The following TBC1D5 variants were observed in gnomAD, a reference collection of about 807,000 sequenced individuals.
The protein encoded by TBC1D5 is TBC1 domain family member 5.
In TBC1D5, 75 loss-of-function variants were observed where a neutral mutation model predicts 100.3. The observed-to-expected ratio is 0.75, with a 90% CI of 0.62 to 0.91. The LOEUF (loss-of-function observed/expected upper bound fraction) is 0.91, where lower values mean the gene tolerates loss of function less well. Ranked by LOEUF, TBC1D5 falls within the 40% of genes least tolerant of loss-of-function variation. TBC1D5 has a pLI of 0.00. For missense variants in TBC1D5, 910 were observed against 942.4 expected (o/e 0.97, Z 0.45); for synonymous variants, 323 against 325.6 (o/e 0.99, Z 0.09).
chr3:17,337,671 T>C (rs760218790), intron 13 of TBC1D5: 1 of 152,138 alleles, frequency 6.6e-6, no homozygotes, highest in Non-Finnish European at 1.5e-5. Context: ...GAAGTTTAAA[T>C]AAAGAACACA....
intron 13 of TBC1D5, among the ~76,000 whole-genome samples, chr3:17,356,605 T>G (rs1037528318): frequency 3.9e-5 from 6 of 152,194 alleles, no homozygotes; most frequent in African/African-American, 1.4e-4. Flanking sequence ...CTGAAGAAAT[T>G]TTTAAAAGAT....
At position 17,308,038 on chromosome 3, in the gene TBC1D5, T is replaced by TA; in HGVS notation, c.1091dup (p.Leu364PhefsTer20). 1 of 1,610,640 alleles carries TA rather than the reference T, an allele frequency of 6.2e-7. No homozygotes were observed. The highest frequency in any genetic ancestry group is 8.5e-7 in the Non-Finnish European group (1 of 1,179,184). On this transcript the variant is annotated frameshift_variant, in exon 14 of 22. Transcript: ENST00000253692. LOFTEE classifies it high-confidence loss of function. ...ACATGGCTACGAAGATATAATCTAC[T>TA]AAACCCAGGCTGAGGCCGTCTGCAA...
intron 2 of TBC1D5, among the ~76,000 whole-genome samples, chr3:17,543,238 C>T (rs1385665261): frequency 1.3e-5 from 2 of 152,132 alleles, no homozygotes; most frequent in African/African-American, 2.4e-5. Context: ...AGAGACACAA[C>T]AGGGATTAAT....
intron 2 of TBC1D5, among the ~76,000 whole-genome samples, chr3:17,582,370 T>C (rs73028303): frequency 0.018 from 2,762 of 152,248 alleles, 41 homozygotes; most frequent in Non-Finnish European, 0.029. Context: ...CAATCAACTG[T>C]GAAAATAAAA....
At chr3:17,355,365 T>C (rs1013361571) in intron 13 of TBC1D5, among the ~76,000 whole-genome samples, 1 of 152,150 alleles carries the variant, frequency 6.6e-6, no homozygotes, top group South Asian at 2.1e-4. Flanking sequence ...CAGGAGGCTG[T>C]GGCCAATTAA....
At chr3:17,379,909 C>T (rs754124144) in intron 9 of TBC1D5, among the ~76,000 whole-genome samples, 1 of 151,490 alleles carries the variant, frequency 6.6e-6, no homozygotes, top group Non-Finnish European at 1.5e-5. Context: ...TCTTATTGTA[C>T]CATACTCAAC....
chr3:17,419,212 G>C (rs2094152090), intron 4 of TBC1D5, among the ~76,000 whole-genome samples: 1 of 152,208 alleles, frequency 6.6e-6, no homozygotes, highest in African/African-American at 2.4e-5. Context: ...ATAAGTACAA[G>C]GATAGCTAGC....
intron 15 of TBC1D5, among the ~76,000 whole-genome samples, chr3:17,268,899 T>C (rs2079091473): frequency 6.6e-6 from 1 of 152,154 alleles, no homozygotes; most frequent in African/African-American, 2.4e-5. Flanking sequence ...GATACTACTA[T>C]ACTAGTTTCT....
At chr3:17,472,995 A>C (rs2095397135) in intron 3 of TBC1D5, among the ~76,000 whole-genome samples, 1 of 152,240 alleles carries the variant, frequency 6.6e-6, no homozygotes, top group Non-Finnish European at 1.5e-5. Flanking sequence ...CAATGAAGAG[A>C]AAATATATCA....
At chr3:17,247,472 G>A (rs1423861506) in intron 16 of TBC1D5, among the ~76,000 whole-genome samples, 1 of 152,190 alleles carries the variant, frequency 6.6e-6, no homozygotes, top group African/African-American at 2.4e-5. Flanking sequence ...GCCAAAAGAT[G>A]CTAATGATCA....
intron 1 of TBC1D5, among the ~76,000 whole-genome samples, chr3:17,712,276 G>T (rs1310010027): frequency 6.6e-6 from 1 of 151,894 alleles, no homozygotes. Flanking sequence ...AGAAATAATG[G>T]TCTCCCACAG....
At chr3:17,455,667 A>G (rs1442414976) in intron 3 of TBC1D5, among the ~76,000 whole-genome samples, 2 of 151,816 alleles carry the variant, frequency 1.3e-5, no homozygotes, top group African/African-American at 2.4e-5. Flanking sequence ...AAGAAACCCC[A>G]TGTCTATAAA....
chr3:17,546,975 T>A (rs2096422951), intron 2 of TBC1D5: 1 of 152,224 alleles, frequency 6.6e-6, no homozygotes, highest in Non-Finnish European at 1.5e-5. Context: ...ACATCTCTTA[T>A]TAGTCCTACA....
At chr3:17,708,285 G>T (rs4431138) in intron 1 of TBC1D5, among the ~76,000 whole-genome samples, 2 of 151,878 alleles carry the variant, frequency 1.3e-5, no homozygotes. Flanking sequence ...TGTATCTATC[G>T]ATCTACTTTG....
At chr3:17,494,504 C>T (rs1413461645) in intron 3 of TBC1D5, among the ~76,000 whole-genome samples, 2 of 152,232 alleles carry the variant, frequency 1.3e-5, no homozygotes, top group Non-Finnish European at 2.9e-5. Context: ...TCAGAGCCAG[C>T]AGGCAGGAAA....
intron 2 of TBC1D5, among the ~76,000 whole-genome samples, chr3:17,611,081 G>T (rs2061640981): frequency 6.6e-6 from 1 of 152,100 alleles, no homozygotes; most frequent in African/African-American, 2.4e-5. Context: ...ACTTGATAAT[G>T]AAGTGAATAA....
chr3:17,579,441 A>G (rs2096678691), intron 2 of TBC1D5, among the ~76,000 whole-genome samples: 1 of 152,102 alleles, frequency 6.6e-6, no homozygotes, highest in African/African-American at 2.4e-5. Context: ...CAGGTGTACT[A>G]AGTGCCACAA....
chr3:17,619,328 T>C (rs937396996), intron 2 of TBC1D5, among the ~76,000 whole-genome samples: 11 of 152,094 alleles, frequency 7.2e-5, no homozygotes, highest in African/African-American at 2.7e-4. Flanking sequence ...TAAATAGATA[T>C]GAGGGGACTA....
intron 2 of TBC1D5, among the ~76,000 whole-genome samples, chr3:17,563,663 G>T (rs1436828328): frequency 6.6e-6 from 1 of 152,146 alleles, no homozygotes; most frequent in Non-Finnish European, 1.5e-5. Context: ...GGAAATGAGA[G>T]AAGACAAACA....
Sources: gnomAD v4.1 joint callset for allele counts (sites outside exome capture counted in the v4.1 genomes callset) on GRCh38, gnomAD v4.1.1 for gene constraint, MANE v1.5 for transcripts, NCBI Gene and HGNC (gene_info 2026-07-23, HGNC 2026-07-21) for gene names.